Variants in CHCHD6 observed in about 807,000 individuals in gnomAD.
CHCHD6 encodes MICOS complex subunit MIC25.
A neutral mutation model predicts 32.3 loss-of-function variants in CHCHD6; 28 were observed. The observed-to-expected ratio is 0.87, with a 90% CI of 0.64 to 1.19. The LOEUF is 1.19. Among genes scored for constraint, CHCHD6 ranks in the 50% most tolerant of loss-of-function variants. CHCHD6 has a pLI of 0.00. For synonymous variants in CHCHD6, 122 were observed against 117.5 expected, an observed-to-expected ratio of 1.04 and a Z score of -0.25; for missense variants, 333 against 307.0, an observed-to-expected ratio of 1.08 and a Z score of -0.63.
intron 4 of CHCHD6, among the ~76,000 whole-genome samples, chr3:126,814,054 C>T (rs916228559): frequency 1.3e-5 from 2 of 152,164 alleles, no homozygotes; most frequent in African/African-American, 4.8e-5. Flanking sequence ...TTATTACACC[C>T]AGAATATTGA....
At chr3:126,823,183 C>T (rs1332951973) in intron 4 of CHCHD6, among the ~76,000 whole-genome samples, 3 of 152,304 alleles carry the variant, frequency 2.0e-5, no homozygotes, top group Middle Eastern at 3.4e-3. Flanking sequence ...TCACAAACTG[C>T]TAGGATTACA....
chr3:126,865,085 TTCCTCC>T (rs141768917), intron 5 of CHCHD6, among the ~76,000 whole-genome samples: 1 of 61,862 alleles, frequency 1.6e-5, no homozygotes, highest in East Asian at 4.5e-4. Flanking sequence ...CCTCCACTTC[TTCCTCC>T]TCCTCCTCCA....
At chr3:126,824,560 C>CAAAAAAAAA (rs71150454) in intron 4 of CHCHD6, among the ~76,000 whole-genome samples, 7,424 of 39,872 alleles carry the variant, frequency 0.19, 1,873 homozygotes, top group Non-Finnish European at 0.23. Context: ...GACTCTGTCT[C>CAAAAAAAAA]AAAAAAAAAA....
chr3:126,898,973 AGGACCTGTGGG>A (rs147355160), intron 5 of CHCHD6, among the ~76,000 whole-genome samples: 4,448 of 152,348 alleles, frequency 0.029, 150 homozygotes, highest in East Asian at 0.15. Flanking sequence ...ACATGTGTTG[AGGACCTGTGGG>A]GCATTTGGTT....
At chr3:126,804,618 G>C (rs1461018990) in intron 4 of CHCHD6, among the ~76,000 whole-genome samples, 1 of 152,234 alleles carries the variant, frequency 6.6e-6, no homozygotes, top group South Asian at 2.1e-4. Context: ...ATTCACAGAG[G>C]TATAAGGAGG....
intron 4 of CHCHD6, among the ~76,000 whole-genome samples, chr3:126,753,356 G>A (rs909749980): frequency 5.9e-5 from 9 of 152,306 alleles, no homozygotes; most frequent in Admixed American, 3.3e-4. Flanking sequence ...GAGCTGTGCC[G>A]TCCTTTTGCC....
chr3:126,901,823 A>C (rs2077931853), intron 5 of CHCHD6, among the ~76,000 whole-genome samples: 1 of 152,240 alleles, frequency 6.6e-6, no homozygotes, highest in Non-Finnish European at 1.5e-5. Context: ...CTGTGTGACC[A>C]CACGAGTGAA....
At chr3:126,737,083 G>T (rs1183251650) in intron 4 of CHCHD6, among the ~76,000 whole-genome samples, 1 of 152,078 alleles carries the variant, frequency 6.6e-6, no homozygotes, top group Admixed American at 6.5e-5. Flanking sequence ...CACTTTGGGA[G>T]GCTAAGGTGG....
At chr3:126,887,545 C>T (rs1180162947) in intron 5 of CHCHD6, among the ~76,000 whole-genome samples, 3 of 152,102 alleles carry the variant, frequency 2.0e-5, no homozygotes, top group Non-Finnish European at 4.4e-5. Context: ...GTATTATGGC[C>T]CAAGAGGGCC....
intron 5 of CHCHD6, among the ~76,000 whole-genome samples, chr3:126,893,570 A>G (rs1337244757): frequency 2.0e-5 from 3 of 152,230 alleles, no homozygotes; most frequent in Non-Finnish European, 4.4e-5. Flanking sequence ...ATTACAAAAG[A>G]TAAAATGACA....
At chr3:126,813,340 T>C (rs952204521) in intron 4 of CHCHD6, among the ~76,000 whole-genome samples, 39 of 152,228 alleles carry the variant, frequency 2.6e-4, no homozygotes, top group African/African-American at 9.2e-4. Context: ...TTAATGTCAA[T>C]AAATTATATT....
chr3:126,910,932 G>A (rs991740269), intron 5 of CHCHD6, among the ~76,000 whole-genome samples: 2 of 152,190 alleles, frequency 1.3e-5, no homozygotes, highest in African/African-American at 4.8e-5. Context: ...AGGACGGGGT[G>A]CACAGAGGAG....
chr3:126,947,767 C>T (rs1246453762), intron 6 of CHCHD6, among the ~76,000 whole-genome samples: 1 of 152,196 alleles, frequency 6.6e-6, no homozygotes, highest in East Asian at 1.9e-4. Context: ...AGCTCCCCTC[C>T]CACAGGCTGA....
chr3:126,868,951 G>A (rs918915038), intron 5 of CHCHD6, among the ~76,000 whole-genome samples: 9 of 152,138 alleles, frequency 5.9e-5, no homozygotes, highest in Admixed American at 1.3e-4. Flanking sequence ...TCACTCCACC[G>A]GTGGCATGTA....
At chr3:126,785,541 C>G (rs939826876) in intron 4 of CHCHD6, among the ~76,000 whole-genome samples, 1 of 152,160 alleles carries the variant, frequency 6.6e-6, no homozygotes, top group African/African-American at 2.4e-5. Flanking sequence ...AAATGTTGTA[C>G]ATTTCCCTCT....
chr3:126,727,540 C>T (rs1290871653), intron 2 of CHCHD6, among the ~76,000 whole-genome samples: 1 of 152,226 alleles, frequency 6.6e-6, no homozygotes, highest in East Asian at 1.9e-4. Context: ...ACTCCCAAGT[C>T]AAAGAATGAT....
intron 5 of CHCHD6, chr3:126,855,087 A>G (rs1247377396): frequency 1.3e-5 from 2 of 152,236 alleles, no homozygotes; most frequent in Non-Finnish European, 2.9e-5. Flanking sequence ...TGTGCTTTAT[A>G]ATCCTTCTGA....
chr3:126,742,011 C>T (rs977448634), intron 4 of CHCHD6, among the ~76,000 whole-genome samples: 4 of 152,224 alleles, frequency 2.6e-5, no homozygotes, highest in Admixed American at 6.5e-5. Flanking sequence ...AACAGATGCT[C>T]TTTTCTCTGC....
chr3:126,780,119 C>A (rs1046564183), intron 4 of CHCHD6, among the ~76,000 whole-genome samples: 1 of 152,154 alleles, frequency 6.6e-6, no homozygotes, highest in Non-Finnish European at 1.5e-5. Flanking sequence ...CAGTGTGATG[C>A]ATCTGTGTTT....
Sources: allele counts gnomAD v4.1 joint callset (sites outside exome capture counted in the v4.1 genomes callset), GRCh38; gene constraint gnomAD v4.1.1; transcripts MANE v1.5; gene names NCBI Gene and HGNC (gene_info 2026-07-23, HGNC 2026-07-21).